Variants in MPHOSPH9 observed in about 807,000 individuals in gnomAD.
MPHOSPH9 encodes M-phase phosphoprotein 9.
In MPHOSPH9, 88 loss-of-function variants were observed where a neutral mutation model predicts 145.5. The ratio of observed to expected loss-of-function variants is 0.60; its 90% confidence interval spans 0.51 to 0.72. The LOEUF is 0.72. MPHOSPH9 is among the 30% of genes least tolerant of loss of function. MPHOSPH9 has a pLI of 0.00. For missense variants in MPHOSPH9, 1,238 were observed against 1,386.6 expected (o/e 0.89, Z 1.70); for synonymous variants, 435 against 486.2 (o/e 0.89, Z 1.39).
At chr12:123,191,274 T>C (rs1161390444) in intron 13 of MPHOSPH9, among the ~76,000 whole-genome samples, 2 of 152,026 alleles carry the variant, frequency 1.3e-5, no homozygotes, top group African/African-American at 2.4e-5. Flanking sequence ...TGAGCTGAGA[T>C]TGCACCATTG....
chr12:123,234,837 G>T (rs1421339550), upstream of MPHOSPH9, among the ~76,000 whole-genome samples: 1 of 152,178 alleles, frequency 6.6e-6, no homozygotes, highest in African/African-American at 2.4e-5. Flanking sequence ...AACCTGCTGG[G>T]AAGTCAGGCT....
At chr12:123,190,995 A>G (rs538463193) in intron 13 of MPHOSPH9, among the ~76,000 whole-genome samples, 1 of 152,152 alleles carries the variant, frequency 6.6e-6, no homozygotes, top group Non-Finnish European at 1.5e-5. Context: ...CTGCTCAAAC[A>G]TAACTGTGGT....
chr12:123,213,531 G>A (rs2046834726), intron 7 of MPHOSPH9, among the ~76,000 whole-genome samples: 2 of 151,996 alleles, frequency 1.3e-5, no homozygotes, highest in Non-Finnish European at 2.9e-5. Context: ...TAGAGATGGG[G>A]TCTCAACTTG....
intron 13 of MPHOSPH9, among the ~76,000 whole-genome samples, chr12:123,186,094 G>A (rs1330941101): frequency 6.6e-6 from 1 of 151,910 alleles, no homozygotes; most frequent in African/African-American, 2.4e-5. Context: ...GCATGGGGTG[G>A]TGTGCGCCTG....
chr12:123,210,403 A>T (rs1184160421), intron 7 of MPHOSPH9, among the ~76,000 whole-genome samples: 2 of 152,118 alleles, frequency 1.3e-5, no homozygotes, highest in Non-Finnish European at 2.9e-5. Flanking sequence ...TTTAAAATAC[A>T]TATTTTTGGC....
At chr12:123,160,613 G>A in intron 23 of MPHOSPH9, 168 bp downstream of exon 23, 2 of 571,108 alleles carry the variant, frequency 3.5e-6, no homozygotes, top group Middle Eastern at 3.6e-4. Context: ...CTAGCTTGCA[G>A]TTATAAAATT....
rs911271036 is a variant in MPHOSPH9, at chr12:123,155,670, A to G, written c.*1137T>C. On this transcript the variant is annotated 3_prime_UTR_variant, in exon 24 of 24. Coordinates refer to ENST00000606320, the MANE Select transcript of MPHOSPH9 (RefSeq NM_022782.4). The stretch of plus-strand genomic sequence containing the variant: ...GTAGTTACACAGCTCCAACTTAACC[A>G]GCAGTCCCAACACAAACCTGCCAAT... 2.2e-4 allele frequency: 33 copies of G among 152,358 alleles called. No homozygotes were observed. Among genetic ancestry groups the G allele is most frequent in the African/African-American group, 7.2e-4 (30 of 41,582 alleles). 9.4% of individuals were successfully genotyped at this position (152,358 alleles called of 1,614,324 possible). A position where few individuals can be genotyped will look rare whatever the true frequency, so the allele number is the denominator to read the frequency against.
At chr12:123,191,139 T>C (rs893446433) in intron 13 of MPHOSPH9, among the ~76,000 whole-genome samples, 7 of 151,558 alleles carry the variant, frequency 4.6e-5, no homozygotes, top group African/African-American at 9.7e-5. Flanking sequence ...CTGACCAACA[T>C]GGAGAAACCC....
intron 23 of MPHOSPH9, among the ~76,000 whole-genome samples, chr12:123,158,386 T>C (rs2043959699): frequency 6.6e-6 from 1 of 152,170 alleles, no homozygotes. Flanking sequence ...GAGAATCACT[T>C]GTGGCCAGGA....
chr12:123,173,922 T>C (rs986071266), intron 16 of MPHOSPH9, among the ~76,000 whole-genome samples: 16 of 152,178 alleles, frequency 1.1e-4, no homozygotes, highest in Non-Finnish European at 2.1e-4. Context: ...TGAAGCCAGT[T>C]GGTTAGACGT....
intron 13 of MPHOSPH9, among the ~76,000 whole-genome samples, chr12:123,192,205 G>A (rs2045707685): frequency 6.6e-6 from 1 of 152,152 alleles, no homozygotes; most frequent in South Asian, 2.1e-4. Flanking sequence ...TGTAATCCCT[G>A]CACTTTGAGA....
upstream of MPHOSPH9, among the ~76,000 whole-genome samples, chr12:123,234,425 T>A (rs1432076443): frequency 6.6e-6 from 1 of 152,110 alleles, no homozygotes; most frequent in Non-Finnish European, 1.5e-5. Flanking sequence ...GGACAAGGTC[T>A]CTCTCTGTCA....
chr12:123,183,525 G>A (rs1432224884), intron 13 of MPHOSPH9, among the ~76,000 whole-genome samples: 1 of 127,674 alleles, frequency 7.8e-6, no homozygotes, highest in African/African-American at 2.8e-5. Flanking sequence ...CCCAGCCAAG[G>A]TGACAGAGCA....
intron 5 of MPHOSPH9, among the ~76,000 whole-genome samples, chr12:123,221,073 G>A (rs2034693498): frequency 6.6e-6 from 1 of 152,134 alleles, no homozygotes. Context: ...AAAAAAAATT[G>A]TTCAAATTAC....
chr12:123,163,821 C>A (rs2044203202), intron 19 of MPHOSPH9, 129 bp downstream of exon 19: 2 of 1,015,448 alleles, frequency 2.0e-6, no homozygotes, highest in Non-Finnish European at 2.8e-6. Flanking sequence ...TAGGGGTCCT[C>A]TGCTCAGAGT....
At chr12:123,180,847 T>C (rs1439530890) in intron 14 of MPHOSPH9, among the ~76,000 whole-genome samples, 2 of 152,214 alleles carry the variant, frequency 1.3e-5, no homozygotes, top group African/African-American at 2.4e-5. Flanking sequence ...CACTCCAACC[T>C]GGGTGTCACA....
At chr12:123,219,448 G>A (rs1177474386) in intron 5 of MPHOSPH9, among the ~76,000 whole-genome samples, 1 of 150,864 alleles carries the variant, frequency 6.6e-6, no homozygotes, top group African/African-American at 2.4e-5. Context: ...AGCTACTCAG[G>A]AGGCTGAGGC....
At chr12:123,234,417 A>G (rs957762959), upstream of MPHOSPH9, among the ~76,000 whole-genome samples, 16 of 151,022 alleles carry the variant, frequency 1.1e-4, no homozygotes, top group African/African-American at 3.7e-4. Flanking sequence ...GGTAGGGGGG[A>G]CAAGGTCTCT....
At chr12:123,224,411 G>A (rs1396126010) in intron 3 of MPHOSPH9, among the ~76,000 whole-genome samples, 1 of 152,090 alleles carries the variant, frequency 6.6e-6, no homozygotes, top group Non-Finnish European at 1.5e-5. Context: ...TGGGATTACA[G>A]GCGTGAGCCA....
Sources: allele counts gnomAD v4.1 joint callset (sites outside exome capture counted in the v4.1 genomes callset), GRCh38; gene constraint gnomAD v4.1.1; transcripts MANE v1.5; gene names NCBI Gene and HGNC (gene_info 2026-07-23, HGNC 2026-07-21).